SGK1: variants seen among roughly 807,000 people sequenced by gnomAD.
SGK1 encodes serine/threonine-protein kinase Sgk1.
In SGK1, 26 loss-of-function variants were observed where a neutral mutation model predicts 64.2. That is an observed-to-expected ratio of 0.40 (90% CI 0.30 to 0.56). SGK1 has a LOEUF of 0.56. SGK1 is among the 20% of genes least tolerant of loss of function. SGK1 has a pLI of 0.38. For synonymous variants in SGK1, 265 were observed against 239.7 expected, an observed-to-expected ratio of 1.11 and a Z score of -0.98; for missense variants, 519 against 645.6, an observed-to-expected ratio of 0.80 and a Z score of 2.12.
At chr6:134,298,011 T>A in intron 1 of SGK1, 9 of 863,422 alleles carry the variant, frequency 1.0e-5, no homozygotes, top group Middle Eastern at 3.0e-4. Flanking sequence ...ATCCGAGATC[T>A]GGGACTGCAG....
chr6:134,235,204 G>C (rs1776343682), intron 2 of SGK1, among the ~76,000 whole-genome samples: 2 of 152,184 alleles, frequency 1.3e-5, no homozygotes, highest in Non-Finnish European at 2.9e-5. Context: ...AGGTTGAGCA[G>C]TCTTTTCTAA....
intron 1 of SGK1, among the ~76,000 whole-genome samples, chr6:134,316,420 G>A (rs996187585): frequency 3.9e-5 from 6 of 152,100 alleles, no homozygotes; most frequent in African/African-American, 1.2e-4. Context: ...TGGGGCAACT[G>A]GGGACTGGAG....
At chr6:134,266,962 T>C (rs1207806506) in intron 1 of SGK1, among the ~76,000 whole-genome samples, 1 of 152,182 alleles carries the variant, frequency 6.6e-6, no homozygotes, top group Non-Finnish European at 1.5e-5. Flanking sequence ...AATCAATCTT[T>C]TTACTCTGGC....
intron 2 of SGK1, among the ~76,000 whole-genome samples, chr6:134,258,703 T>A (rs1457248380): frequency 6.6e-6 from 1 of 152,002 alleles, no homozygotes; most frequent in Non-Finnish European, 1.5e-5. Context: ...CGAGACTCCA[T>A]CTCAAAAATA....
intron 3 of SGK1, chr6:134,175,840 C>T (rs1775219039): frequency 8.6e-7 from 1 of 1,159,680 alleles, no homozygotes; most frequent in Non-Finnish European, 1.1e-6. Flanking sequence ...TGCTTTTGGC[C>T]AAAACCAAGC....
chr6:134,291,614 G>A (rs538478906), intron 1 of SGK1, among the ~76,000 whole-genome samples: 15 of 152,262 alleles, frequency 9.9e-5, no homozygotes, highest in East Asian at 5.8e-4. Flanking sequence ...TTAAAATGAC[G>A]AATAACTCTT....
intron 2 of SGK1, among the ~76,000 whole-genome samples, chr6:134,210,277 T>C (rs1424852885): frequency 2.6e-5 from 4 of 152,216 alleles, no homozygotes; most frequent in Non-Finnish European, 4.4e-5. Flanking sequence ...TGGAAGATGT[T>C]ATGCTAAGTG....
intron 3 of SGK1, among the ~76,000 whole-genome samples, chr6:134,184,649 T>C (rs1036101257): frequency 2.7e-4 from 41 of 152,282 alleles, no homozygotes; most frequent in African/African-American, 9.6e-4. Context: ...ATTGTTGATT[T>C]ACCCAACTAG....
intron 2 of SGK1, among the ~76,000 whole-genome samples, chr6:134,212,142 C>T (rs908675736): frequency 1.3e-5 from 2 of 151,880 alleles, no homozygotes; most frequent in African/African-American, 2.4e-5. Flanking sequence ...CGAGCTCCGC[C>T]TCCCGGGTTC....
At chr6:134,206,327 C>G (rs1479436586) in intron 3 of SGK1, among the ~76,000 whole-genome samples, 1 of 121,156 alleles carries the variant, frequency 8.3e-6, no homozygotes, top group African/African-American at 3.1e-5. Flanking sequence ...ATCCACAAAG[C>G]TGTACCTGAT....
intron 1 of SGK1, chr6:134,297,511 T>C (rs1420780762): frequency 3.5e-6 from 2 of 566,934 alleles, no homozygotes; most frequent in African/African-American, 3.8e-5. Context: ...GAGATCTCTG[T>C]CTTGTTTTTG....
At chr6:134,223,719 T>G (rs1437135501) in intron 2 of SGK1, among the ~76,000 whole-genome samples, 2 of 152,238 alleles carry the variant, frequency 1.3e-5, no homozygotes, top group African/African-American at 4.8e-5. Context: ...AGTCTGATAT[T>G]CAATCTTCCA....
chr6:134,222,728 A>C (rs1220812970), intron 2 of SGK1, among the ~76,000 whole-genome samples: 1 of 151,972 alleles, frequency 6.6e-6, no homozygotes, highest in East Asian at 1.9e-4. Context: ...AATAATCTTC[A>C]AAACTCTTTT....
At chr6:134,202,234 G>A (rs1055491117) in intron 3 of SGK1, among the ~76,000 whole-genome samples, 16 of 152,084 alleles carry the variant, frequency 1.1e-4, no homozygotes, top group Admixed American at 9.8e-4. Flanking sequence ...AAGTAGCCAC[G>A]CAGAATTCCA....
chr6:134,216,083 CTT>C (rs60558249), intron 2 of SGK1, among the ~76,000 whole-genome samples: 2 of 152,002 alleles, frequency 1.3e-5, no homozygotes, highest in Non-Finnish European at 1.5e-5. Flanking sequence ...TTTTTTAAAA[CTT>C]TTTTTCTTTT....
chr6:134,277,051 A>C (rs763271986), intron 1 of SGK1, among the ~76,000 whole-genome samples: 93 of 151,994 alleles, frequency 6.1e-4, no homozygotes, highest in Admixed American at 2.7e-3. Flanking sequence ...CTCAAAAAAA[A>C]CCACAAAAAC....
At chr6:134,316,077 G>A (rs183803756) in intron 1 of SGK1, among the ~76,000 whole-genome samples, 305 of 152,262 alleles carry the variant, frequency 2.0e-3, no homozygotes, top group Admixed American at 4.6e-3. Flanking sequence ...GGACAGGTTG[G>A]TTTCATTTTG....
chr6:134,249,103 G>A (rs182505353), intron 2 of SGK1, among the ~76,000 whole-genome samples: 19 of 152,192 alleles, frequency 1.2e-4, no homozygotes, highest in South Asian at 8.3e-4. Context: ...AGAATCAAGC[G>A]TATTGTACGA....
chr6:134,261,670 G>A (rs567980392), intron 2 of SGK1: 6 of 590,682 alleles, frequency 1.0e-5, no homozygotes, highest in South Asian at 2.2e-5. Context: ...TAGGTTATAC[G>A]TGCATGGGGA....
Sources: allele counts gnomAD v4.1 joint callset (sites outside exome capture counted in the v4.1 genomes callset), GRCh38; gene constraint gnomAD v4.1.1; transcripts MANE v1.5; gene names NCBI Gene and HGNC (gene_info 2026-07-23, HGNC 2026-07-21).